Variants in LRRFIP1 observed in about 807,000 individuals in gnomAD.
LRRFIP1 encodes the protein leucine-rich repeat flightless-interacting protein 1.
LRRFIP1 carries 62 observed loss-of-function variants against 104.4 expected under a neutral mutation model. The ratio of observed to expected loss-of-function variants is 0.59; its 90% CI spans 0.48 to 0.73. LRRFIP1 has a LOEUF of 0.73. LRRFIP1 is among the 30% of genes least tolerant of loss of function. LRRFIP1 has a pLI of 0.00. For missense variants in LRRFIP1, 796 were observed against 824.5 expected, an observed-to-expected ratio of 0.97 and a Z score of 0.42; for synonymous variants, 300 against 299.0, an observed-to-expected ratio of 1.00 and a Z score of -0.03.
intron 1 of LRRFIP1, among the ~76,000 whole-genome samples, chr2:237,677,125 AC>A (rs2091258678): frequency 6.6e-6 from 1 of 152,360 alleles, no homozygotes; most frequent in Admixed American, 6.5e-5. Context: ...TGCAGCCAGC[AC>A]CACCAGCCAT....
chr2:237,762,780 C>T (rs1203115989), intron 19 of LRRFIP1: 1 of 1,614,224 alleles, frequency 6.2e-7, no homozygotes, highest in Non-Finnish European at 8.5e-7. Flanking sequence ...GAAGACACTG[C>T]CCCATTCCTA....
intron 8 of LRRFIP1, among the ~76,000 whole-genome samples, chr2:237,728,493 G>A (rs900942946): frequency 2.6e-5 from 4 of 151,568 alleles, no homozygotes; most frequent in Non-Finnish European, 5.9e-5. Flanking sequence ...GGGAGAGAGA[G>A]GGAGTGGTGC....
chr2:237,774,454 C>T lies in LRRFIP1; in HGVS notation c.1804C>T (p.Gln602Ter). Residue 602 changes from glutamine (Q) to a stop codon, truncating the protein, a stop_gained, in exon 23 of 24, where the codon CAA (glutamine) becomes TAA (stop). Transcript: ENST00000308482. LOFTEE classifies it high-confidence loss of function. Reference protein sequence around the residue: ...DELKAEKRKLQRELRSALDKT... With the variant: ...DELKAEKRKL ...ACTTAAGGCAGAAAAACGGAAACTCCAAAGAGAGGTAAATTTCCTAGGCAA... is the reference window on the plus strand; with the variant it reads ...ACTTAAGGCAGAAAAACGGAAACTCTAAAGAGAGGTAAATTTCCTAGGCAA... 1.2e-6 allele frequency: 2 copies of T among 1,608,344 alleles called. No homozygotes were observed. Among genetic ancestry groups the T allele is most frequent in the Non-Finnish European group, 1.7e-6 (2 of 1,175,616 alleles).
intron 4 of LRRFIP1, 75 bp from the exon 5 acceptor site, chr2:237,719,448 T>C (rs2094460038): frequency 1.1e-6 from 1 of 951,914 alleles, no homozygotes; most frequent in South Asian, 1.3e-5. Context: ...GCAGTGGGAC[T>C]ACCTAAGCTT....
At chr2:237,759,819 G>C (rs1364180732) in intron 18 of LRRFIP1, among the ~76,000 whole-genome samples, 2 of 152,154 alleles carry the variant, frequency 1.3e-5, no homozygotes, top group Non-Finnish European at 2.9e-5. Context: ...GAAGTAGCTT[G>C]TCACCAGCAA....
chr2:237,719,953 T>C (rs1373107274), intron 5 of LRRFIP1, among the ~76,000 whole-genome samples: 1 of 146,638 alleles, frequency 6.8e-6, no homozygotes, highest in Non-Finnish European at 1.5e-5. Context: ...TTTTTTTTTT[T>C]TTTTTTTTTT....
intron 19 of LRRFIP1, chr2:237,763,046 C>T: frequency 6.2e-7 from 1 of 1,614,162 alleles, no homozygotes; most frequent in South Asian, 1.1e-5. Flanking sequence ...TCCTTTAGGG[C>T]ATAGTGATGA....
At position 237,704,725 on chromosome 2, in the gene LRRFIP1, C is replaced by T. The variant is rs150979408; in HGVS notation, c.97-3819C>T. On this transcript the variant is annotated intron_variant, in intron 1 of 23. Coordinates refer to ENST00000308482, the MANE Select transcript of LRRFIP1 (RefSeq NM_001137550.2). Reference sequence around the variant, plus strand: ...TAGATGTTCTAGAAGGCAGGGGCTGCAAGGATTTGGAATTGTATTCAGTGA... The same window carrying T: ...TAGATGTTCTAGAAGGCAGGGGCTGTAAGGATTTGGAATTGTATTCAGTGA... Among the ~76,000 whole-genome samples the T allele has an allele frequency of 1.2e-3, 183 of 152,168 alleles. 2 individuals are homozygous for T. Among genetic ancestry groups the T allele is most frequent in the African/African-American group, 4.3e-3 (178 of 41,502 alleles).
chr2:237,698,734 A>G (rs925586954), intron 1 of LRRFIP1, among the ~76,000 whole-genome samples: 3 of 152,152 alleles, frequency 2.0e-5, no homozygotes, highest in Non-Finnish European at 4.4e-5. Context: ...AATCTTCATG[A>G]TGGCCTGAGC....
chr2:237,703,822 C>G lies in LRRFIP1; in HGVS notation c.97-4722C>G, dbSNP rs2093664461. ...GTGCTGAGACAGCATGGCACGTTCA[C>G]AGCACAGTGCATTCCTGTGGCCTCC... On this transcript the variant is annotated intron_variant, in intron 1 of 23. Coordinates refer to ENST00000308482, the MANE Select transcript of LRRFIP1 (RefSeq NM_001137550.2). The surrounding 1 kb of genome is among the most constrained non-coding windows in gnomAD (Gnocchi z 4.3). 6.6e-6 allele frequency among the ~76,000 whole-genome samples: 1 copy of G among 152,184 alleles called. No individual in the cohort carries two copies. The highest frequency in any genetic ancestry group is 2.4e-5 in the African/African-American group (1 of 41,440).
At chr2:237,770,300 A>G in intron 20 of LRRFIP1, 1 of 291,232 alleles carries the variant, frequency 3.4e-6, no homozygotes, top group Non-Finnish European at 6.6e-6. Context: ...ATTATTAATA[A>G]TATTAATGAT....
chr2:237,662,685 T>A (rs2088250505), intron 1 of LRRFIP1, among the ~76,000 whole-genome samples: 1 of 152,110 alleles, frequency 6.6e-6, no homozygotes, highest in Admixed American at 6.5e-5. Context: ...CTATTTATAG[T>A]GAAACCTCAC....
intron 1 of LRRFIP1, among the ~76,000 whole-genome samples, chr2:237,639,222 G>T (rs958039508): frequency 2.0e-5 from 3 of 152,186 alleles, no homozygotes; most frequent in Admixed American, 1.3e-4. Flanking sequence ...GGGGTTGGGT[G>T]GAGCTTGTGA....
chr2:237,715,335 G>A (rs2094286473), intron 3 of LRRFIP1, among the ~76,000 whole-genome samples: 1 of 152,166 alleles, frequency 6.6e-6, no homozygotes, highest in Admixed American at 6.5e-5. Context: ...TCCTCAGAGA[G>A]CCTCGGGAAG....
chr2:237,654,616 T>A (rs1188758831), intron 1 of LRRFIP1, among the ~76,000 whole-genome samples: 3 of 151,784 alleles, frequency 2.0e-5, no homozygotes, highest in Non-Finnish European at 4.4e-5. Flanking sequence ...AATGGCGCAA[T>A]CTCTGCTCAC....
intron 1 of LRRFIP1, among the ~76,000 whole-genome samples, chr2:237,700,286 T>A (rs940386918): frequency 6.6e-5 from 10 of 152,176 alleles, no homozygotes; most frequent in Non-Finnish European, 1.5e-4. Context: ...AGGAGCTTGA[T>A]TCCTTCTTAG....
intron 1 of LRRFIP1, among the ~76,000 whole-genome samples, chr2:237,634,954 G>T (rs550623685): frequency 7.3e-4 from 111 of 152,272 alleles, no homozygotes; most frequent in Admixed American, 1.2e-3. Context: ...TCTAGATCCA[G>T]TCTGGTCTGG....
chr2:237,705,572 G>A (rs1053168467), intron 1 of LRRFIP1, among the ~76,000 whole-genome samples: 1 of 151,996 alleles, frequency 6.6e-6, no homozygotes, highest in African/African-American at 2.4e-5. Flanking sequence ...GCCGAGGTGG[G>A]AGAATCACTT....
chr2:237,724,659 C>A (rs962987379), intron 7 of LRRFIP1, among the ~76,000 whole-genome samples: 7 of 152,194 alleles, frequency 4.6e-5, no homozygotes, highest in African/African-American at 1.7e-4. Context: ...TCCAGCAACT[C>A]TCCTGTTCTT....
Sources: allele counts gnomAD v4.1 joint callset (sites outside exome capture counted in the v4.1 genomes callset), GRCh38; gene constraint gnomAD v4.1.1; non-coding constraint Gnocchi (gnomAD v3.1); transcripts MANE v1.5; gene names NCBI Gene and HGNC (gene_info 2026-07-23, HGNC 2026-07-21).